TMPRSS3: variants seen among roughly 807,000 people sequenced by gnomAD.
The protein encoded by TMPRSS3 is transmembrane protease serine 3.
A neutral mutation model predicts 59.6 loss-of-function variants in TMPRSS3; 55 were observed. That is an observed-to-expected ratio of 0.92 (90% CI 0.74 to 1.16). TMPRSS3 has a LOEUF of 1.16. Ranked by LOEUF, TMPRSS3 falls within the 50% of genes most tolerant of loss-of-function variation. The probability of loss-of-function intolerance (pLI) is 0.00; values close to 1 mark genes in which losing one functional copy is unlikely to be tolerated. For synonymous variants in TMPRSS3, 257 were observed against 237.7 expected (o/e 1.08, Z -0.75); for missense variants, 596 against 579.4 (o/e 1.03, Z -0.29).
At chr21:42,379,212 G>A (rs1163640965) in intron 10 of TMPRSS3, among the ~76,000 whole-genome samples, 1 of 151,630 alleles carries the variant, frequency 6.6e-6, no homozygotes, top group African/African-American at 2.4e-5. Context: ...ATTTTTTGTA[G>A]AGACAGGGTC....
At chr21:42,393,669 G>T (rs2052762502) in intron 2 of TMPRSS3, among the ~76,000 whole-genome samples, 1 of 152,154 alleles carries the variant, frequency 6.6e-6, no homozygotes. Context: ...CGGTTGGAGA[G>T]ATTTTCTGTA....
In TMPRSS3 at chr21:42,371,899, G is replaced by A. The variant is rs960528912; in HGVS notation, c.*863C>T. 9 of 453,232 alleles carry A rather than the reference G, an allele frequency of 2.0e-5. No homozygotes were observed. Among genetic ancestry groups the A allele is most frequent in the Admixed American group, 9.4e-5 (4 of 42,524 alleles). The allele number at this position is 453,232 out of a possible 1,614,324, so 28.1% of individuals were successfully genotyped here. On this transcript the variant is annotated 3_prime_UTR_variant, in exon 13 of 13. Transcript: ENST00000644384. The stretch of plus-strand genomic sequence containing the variant: ...CAGACACGCCAGACAATGAGGGAAG[G>A]AAACATATTATTTGGAATCAAAGGA...
chr21:42,388,603 C>T lies in TMPRSS3; in HGVS notation c.323-77G>A. The T allele has an allele frequency of 6.2e-7, 1 of 1,604,468 alleles. No homozygotes were observed. Among genetic ancestry groups the T allele is most frequent in the Non-Finnish European group, 8.5e-7 (1 of 1,173,098 alleles). ...ACCATAGGCAGGGGTTTCTCCACAGCCAGCTCAAACCCCTCCTCTGCCAAA... is the reference window on the plus strand; with the variant it reads ...ACCATAGGCAGGGGTTTCTCCACAGTCAGCTCAAACCCCTCCTCTGCCAAA... On this transcript the variant is annotated intron_variant, in intron 4 of 12. Coordinates refer to ENST00000644384, the MANE Select transcript of TMPRSS3 (RefSeq NM_001256317.3). This position sits in a 1 kb window ranked among gnomAD's most constrained non-coding sequence, Gnocchi z 5.1.
intron 10 of TMPRSS3, 139 bp downstream of exon 10, chr21:42,379,978 G>C (rs188215175): frequency 2.8e-6 from 2 of 724,320 alleles, no homozygotes; most frequent in African/African-American, 1.7e-5. Flanking sequence ...ACTGTGTCCC[G>C]AGCAGCTGAC....
chr21:42,388,147 T>C lies in TMPRSS3; in HGVS notation c.446+256A>G, dbSNP rs1222383304. ...TGAAACTTTTTATTGCATGTTCGTATCTCCGATCCTGGCCTGGCCCTGGGA... is the reference window on the plus strand; with the variant it reads ...TGAAACTTTTTATTGCATGTTCGTACCTCCGATCCTGGCCTGGCCCTGGGA... On this transcript the variant is annotated intron_variant, in intron 5 of 12. Coordinates refer to ENST00000644384, the MANE Select transcript of TMPRSS3 (RefSeq NM_001256317.3). The surrounding 1 kb of genome is among the most constrained non-coding windows in gnomAD (Gnocchi z 5.1). 6.6e-6 allele frequency among the ~76,000 whole-genome samples: 1 copy of C among 152,236 alleles called. No homozygotes were observed. Among genetic ancestry groups the C allele is most frequent in the African/African-American group, 2.4e-5 (1 of 41,456 alleles).
At position 42,372,665 on chromosome 21, in the gene TMPRSS3, G is replaced by T; in HGVS notation, c.*97C>A. 7.7e-7 allele frequency: 1 copy of T among 1,291,396 alleles called. No individual in the cohort carries two copies. The highest frequency in any genetic ancestry group is 1.1e-6 in the Non-Finnish European group (1 of 885,836). The allele number at this position is 1,291,396 out of a possible 1,614,324, so 80.0% of individuals were successfully genotyped here. The stretch of plus-strand genomic sequence containing the variant: ...TGCCGGAACTCAGAGCTCCAAGGGT[G>T]TCTGCTCGTGTGCAGGTTCCTACAC... On this transcript the variant is annotated 3_prime_UTR_variant, in exon 13 of 13. Coordinates refer to ENST00000644384, the MANE Select transcript of TMPRSS3 (RefSeq NM_001256317.3).
At chr21:42,379,939 G>A (rs958517887) in intron 10 of TMPRSS3, among the ~76,000 whole-genome samples, 178 bp downstream of exon 10, 1 of 152,092 alleles carries the variant, frequency 6.6e-6, no homozygotes, top group Non-Finnish European at 1.5e-5. Context: ...CAATGGAACC[G>A]TGACTCCTGA....
In TMPRSS3 at chr21:42,395,353, T is replaced by C. The variant is rs776129573; in HGVS notation, c.65A>G (p.Asp22Gly). ...PFSFRSLFGL[D>G]DLKISPVAPD... Reference sequence around the variant, plus strand: ...TGCAACAGGACTTATTTTCAAATCATCAAGGCCAAAAAGCGATCGGAATGA... The same window carrying C: ...TGCAACAGGACTTATTTTCAAATCACCAAGGCCAAAAAGCGATCGGAATGA... The change falls in exon 2 of 13, where the codon GAT becomes GGT. Residue 22 changes from aspartate to glycine, a missense_variant. Transcript: ENST00000644384. 6.2e-7 allele frequency: 1 copy of C among 1,614,044 alleles called. No homozygotes were observed. The highest frequency in any genetic ancestry group is 1.7e-4 in the Middle Eastern group (1 of 6,020).
At chr21:42,394,542 T>C (rs2052776865) in intron 2 of TMPRSS3, among the ~76,000 whole-genome samples, 1 of 152,202 alleles carries the variant, frequency 6.6e-6, no homozygotes, top group East Asian at 1.9e-4. Flanking sequence ...TAAATGTGTG[T>C]CTTTTCAGTT....
Position 42,388,942 on chromosome 21 carries a change from G to A in TMPRSS3, c.309C>T (p.Asp103=), listed in dbSNP as rs111033502. The A allele has an allele frequency of 4.6e-5, 75 of 1,613,886 alleles. No individual in the cohort carries two copies. The highest frequency in any genetic ancestry group is 4.5e-4 in the East Asian group (20 of 44,888). Residue 103 remains aspartate (D), a synonymous_variant, in exon 4 of 13, where the codon GAC becomes GAT. Coordinates refer to ENST00000644384, the MANE Select transcript of TMPRSS3 (RefSeq NM_001256317.3). The surrounding 1 kb of genome is among the most constrained non-coding windows in gnomAD (Gnocchi z 5.1). ...CCATGACCTTACCACAGCGGTACTCGTCCTCCCCGTCTTTGCAATCCGAGA... is the reference window on the plus strand; with the variant it reads ...CCATGACCTTACCACAGCGGTACTCATCCTCCCCGTCTTTGCAATCCGAGA... ...DGVSDCKDGE[D]EYRCVRVGGQ...
chr21:42,380,021 C>T, intron 10 of TMPRSS3, 96 bp downstream of exon 10: 1 of 1,035,106 alleles, frequency 9.7e-7, no homozygotes, highest in Non-Finnish European at 1.5e-6. Flanking sequence ...CTGGGCAGCC[C>T]ATGGGAACAT....
intron 3 of TMPRSS3, 62 bp downstream of exon 3, chr21:42,389,865 C>G (rs550886859): frequency 8.0e-7 from 1 of 1,257,074 alleles, no homozygotes; most frequent in Admixed American, 1.7e-5. Flanking sequence ...AGGGGGCGCT[C>G]ATGAAAGTTT....
chr21:42,386,697 T>C (rs1038967456), intron 5 of TMPRSS3, among the ~76,000 whole-genome samples: 2 of 152,214 alleles, frequency 1.3e-5, no homozygotes, highest in Admixed American at 6.5e-5. Flanking sequence ...GAAAGGAAAC[T>C]GAGGCATGAA....
chr21:42,383,251 A>T lies in TMPRSS3; in HGVS notation c.617-53T>A. On this transcript the variant is annotated intron_variant, in intron 7 of 12. Coordinates refer to ENST00000644384, the MANE Select transcript of TMPRSS3 (RefSeq NM_001256317.3). Reference sequence around the variant, plus strand: ...TCCACCCTGCAGACTTCTTTGGGGGACATGGTGTCACCACCATGCACCTGC... The same window carrying T: ...TCCACCCTGCAGACTTCTTTGGGGGTCATGGTGTCACCACCATGCACCTGC... The T allele has an allele frequency of 1.9e-6, 3 of 1,590,860 alleles. No homozygotes were observed. The South Asian group carries it at 3.3e-5, about 18-fold the overall frequency.
At chr21:42,393,449 G>C (rs1179234803) in intron 2 of TMPRSS3, among the ~76,000 whole-genome samples, 1 of 152,120 alleles carries the variant, frequency 6.6e-6, no homozygotes, top group East Asian at 1.9e-4. Context: ...TGAAAGTTTT[G>C]ACCTAGCAGT....
Position 42,388,505 on chromosome 21 carries a change from G to A in TMPRSS3, c.344C>T (p.Ala115Val), listed in dbSNP as rs773186208. 2 of 1,614,202 alleles carry A rather than the reference G, an allele frequency of 1.2e-6. No homozygotes were observed. Among genetic ancestry groups the A allele is most frequent in the Non-Finnish European group, 1.7e-6 (2 of 1,180,034 alleles). The change falls in exon 5 of 13, where the codon GCC (alanine) becomes GTC (valine). Residue 115 changes from alanine (A) to valine (V), a missense_variant. By Grantham distance (64) the Ala-to-Val change is moderately conservative. Transcript: ENST00000644384. The surrounding 1 kb of genome is among the most constrained non-coding windows in gnomAD (Gnocchi z 5.1). ...AGCAGCTGTGAACACCTGGAGCACG[G>A]CATTCTGACCACCCACCCGGACTGG... is the stretch of plus-strand genomic sequence containing the variant. ...YRCVRVGGQN[A>V]VLQVFTAASW...
Position 42,382,216 on chromosome 21 carries a change from T to C in TMPRSS3, c.801A>G (p.Ser267=), listed in dbSNP as rs147785678. 6.6e-5 allele frequency: 106 copies of C among 1,614,042 alleles called. No homozygotes were observed. The highest frequency in any genetic ancestry group is 8.6e-5 in the Non-Finnish European group (102 of 1,180,034). ...HCVYDLYLPK[S]WTIQVGLVSL... ...AAACTAGACCCACCTGGATGGTCCA[T>C]GACTTGGGGAGGTACAAGCTGAAAT... Residue 267 remains serine (S), a synonymous_variant, in exon 9 of 13, where the codon TCA becomes TCG. Transcript: ENST00000644384.
At chr21:42,382,876 C>A in intron 8 of TMPRSS3, 157 bp downstream of exon 8, 2 of 866,248 alleles carry the variant, frequency 2.3e-6, no homozygotes, top group Non-Finnish European at 1.8e-6. Context: ...GATGATGGGT[C>A]CACAGTGAGG....
In TMPRSS3 at chr21:42,372,673, G is replaced by C; in HGVS notation, c.*89C>G. The C allele has an allele frequency of 2.2e-6, 3 of 1,378,108 alleles. No individual in the cohort carries two copies. Among genetic ancestry groups the C allele is most frequent in the Non-Finnish European group, 3.1e-6 (3 of 965,212 alleles). 85.4% of individuals were successfully genotyped at this position (1,378,108 alleles called of 1,614,324 possible). On this transcript the variant is annotated 3_prime_UTR_variant, in exon 13 of 13. Transcript: ENST00000644384. ...CTCAGAGCTCCAAGGGTGTCTGCTC[G>C]TGTGCAGGTTCCTACACGGGAGTCC...
Sources: allele counts gnomAD v4.1 joint callset (sites outside exome capture counted in the v4.1 genomes callset), GRCh38; gene constraint gnomAD v4.1.1; non-coding constraint Gnocchi (gnomAD v3.1); transcripts MANE v1.5; gene names NCBI Gene and HGNC (gene_info 2026-07-23, HGNC 2026-07-21).